NBPF8: variants seen among roughly 807,000 people sequenced by gnomAD.
NBPF8 encodes the protein NBPF member 8, also known as NBPF family member NBPF8.
At chr1:120,467,843 C>CATG (rs1315036260), downstream of NBPF8, 1 of 151,938 alleles carries the variant, frequency 6.6e-6, no homozygotes, top group East Asian at 1.9e-4. Context: ...ATTTCATTTC[C>CATG]ATGTTTATTT....
intron 20 of NBPF8, 87 bp downstream of exon 18, chr1:120,462,284 A>T: frequency 3.0e-6 from 2 of 674,820 alleles, no homozygotes; most frequent in South Asian, 1.5e-5. Context: ...GTTCAATTTC[A>T]TGTTTTCAAC....
intron 5 of NBPF8, chr1:120,442,754 C>T (rs1661136339): frequency 4.1e-5 from 3 of 73,528 alleles, no homozygotes; most frequent in South Asian, 1.1e-4. Context: ...GTAAACAAGG[C>T]TGCCAGTGAC....
chr1:120,432,977 T>C (rs1279270919), upstream of NBPF8: 1 of 152,138 alleles, frequency 6.6e-6, no homozygotes, highest in Admixed American at 6.5e-5. Flanking sequence ...CAATAAAACA[T>C]AATAGAGATT....
At chr1:120,468,936 G>GTGTT (rs1553251113), downstream of NBPF8, among the ~76,000 whole-genome samples, 3 of 152,076 alleles carry the variant, frequency 2.0e-5, no homozygotes, top group African/African-American at 7.2e-5. Flanking sequence ...CCTAGCCCTG[G>GTGTT]TGTTTAGGGG....
chr1:120,460,312 C>T (rs1239894367), intron 17 of NBPF8, among the ~76,000 whole-genome samples: 7 of 152,220 alleles, frequency 4.6e-5, no homozygotes, highest in African/African-American at 1.4e-4. Flanking sequence ...AAAAATTGCT[C>T]ATTTGTGTAC....
At chr1:120,418,771 C>G (rs1348726963), upstream of NBPF8, among the ~76,000 whole-genome samples, 21 of 146,502 alleles carry the variant, frequency 1.4e-4, no homozygotes, top group African/African-American at 5.5e-4. Context: ...TGGTTTCAAA[C>G]TCCTGGGCTC....
intron 3 of NBPF8, among the ~76,000 whole-genome samples, chr1:120,428,231 G>T (rs1660776450): frequency 6.6e-6 from 1 of 152,200 alleles, no homozygotes; most frequent in South Asian, 2.1e-4. Flanking sequence ...TTCAGTGGTT[G>T]TGAGTGCAGC....
chr1:120,420,795 G>T (rs1273591407), intron 1 of NBPF8, among the ~76,000 whole-genome samples: 2 of 149,028 alleles, frequency 1.3e-5, no homozygotes, highest in Admixed American at 6.7e-5. Flanking sequence ...TGACTATTAG[G>T]CACCATGCCC....
upstream of NBPF8, among the ~76,000 whole-genome samples, chr1:120,415,799 C>G (rs1470410522): frequency 1.3e-5 from 2 of 152,120 alleles, no homozygotes; most frequent in African/African-American, 2.4e-5. Context: ...CGGGGCAGGC[C>G]TCTAATTCAC....
upstream of NBPF8, among the ~76,000 whole-genome samples, chr1:120,415,548 G>A (rs1553245041): frequency 2.5e-3 from 380 of 152,296 alleles, no homozygotes; most frequent in Middle Eastern, 6.8e-3. Context: ...GTGGAGGGAC[G>A]AGCAGCTTCG....
exon 21 of NBPF8, chr1:120,462,863 G>A (rs1253593406): frequency 8.3e-5 from 33 of 397,800 alleles, no homozygotes; most frequent in East Asian, 2.5e-4. Context: ...GATGTTATTC[G>A]ACTCCTTCAG....
At chr1:120,450,662 C>T (rs1661241634) in intron 11 of NBPF8, among the ~76,000 whole-genome samples, 1 of 152,120 alleles carries the variant, frequency 6.6e-6, no homozygotes, top group Admixed American at 6.5e-5. Flanking sequence ...ATGTGTCACA[C>T]TTTATGCTTC....
In NBPF8 at chr1:120,420,419, C is replaced by A. The variant is rs1222536758; in HGVS notation, n.269+301C>A. ...CCACTCCTTGCTCTTCCCCTCTTAC[C>A]CCCCATTCTCTGCCCCCATTTCCGT... On this transcript the variant is annotated intron_variant and non_coding_transcript_variant, in intron 1 of 28. Transcript: ENST00000652355. Among the ~76,000 whole-genome samples, 485 of 136,976 alleles carry A rather than the reference C, an allele frequency of 3.5e-3. 3 individuals are homozygous for A. The highest frequency in any genetic ancestry group is 0.015 in the Middle Eastern group (4 of 264). The allele number at this position is 136,976 out of a possible 152,430, so 89.9% of individuals were successfully genotyped here.
rs1405638747 is a variant in NBPF8 at position 120,451,111 on chromosome 1, T to A, written n.1972-69T>A. 9 of 820,222 alleles carry A rather than the reference T, an allele frequency of 1.1e-5. No homozygotes were observed. The East Asian group carries it at 2.4e-4, about 22-fold the overall frequency. The allele number at this position is 820,222 out of a possible 1,614,324, so 50.8% of individuals were successfully genotyped here. ...GTCCTTGGGATGGACCTGGCTCCTG[T>A]CCTGTAGGCAATGACCACAGCAGCA... On this transcript the variant is annotated intron_variant and non_coding_transcript_variant, in intron 11 of 24. Coordinates refer to ENST00000583271, the Ensembl canonical transcript of NBPF8.
intron 16 of NBPF8, among the ~76,000 whole-genome samples, chr1:120,457,147 TCAA>T (rs1364975197): frequency 6.6e-6 from 1 of 151,000 alleles, no homozygotes; most frequent in Non-Finnish European, 1.5e-5. Context: ...GTAAACTAGT[TCAA>T]CGATTGTGGA....
At chr1:120,460,233 G>A (rs1196088552) in intron 17 of NBPF8, among the ~76,000 whole-genome samples, 1 of 152,170 alleles carries the variant, frequency 6.6e-6, no homozygotes, top group Admixed American at 6.6e-5. Flanking sequence ...TATTTGATGA[G>A]AGAAAGCTTA....
At chr1:120,449,772 A>G (rs1181225746) in intron 11 of NBPF8, among the ~76,000 whole-genome samples, 16 of 152,288 alleles carry the variant, frequency 1.1e-4, no homozygotes, top group African/African-American at 3.6e-4. Context: ...GAGACTAGTG[A>G]ACTTTTATTC....
intron 19 of NBPF8, 138 bp from the exon 18 acceptor site, chr1:120,462,008 C>T: frequency 2.8e-6 from 1 of 357,210 alleles, no homozygotes; most frequent in Non-Finnish European, 4.9e-6. Context: ...GCCTTCAGGC[C>T]TCCTGAAGAA....
intron 1 of NBPF8, among the ~76,000 whole-genome samples, chr1:120,421,525 T>A (rs1660577424): frequency 6.9e-6 from 1 of 145,042 alleles, no homozygotes; most frequent in Non-Finnish European, 1.5e-5. Context: ...CCTTCCTTCC[T>A]CCCTTCCTCC....
Sources: allele counts gnomAD v4.1 joint callset (sites outside exome capture counted in the v4.1 genomes callset), GRCh38; gene constraint gnomAD v4.1.1; transcripts MANE v1.5; gene names NCBI Gene and HGNC (gene_info 2026-07-23, HGNC 2026-07-21).